DTNB: variants seen among roughly 807,000 people sequenced by gnomAD.
The protein encoded by DTNB is dystrobrevin beta.
Under a neutral mutation model 90.7 loss-of-function variants are expected in DTNB, and 63 were observed. The observed-to-expected ratio is 0.69, with a 90% CI of 0.57 to 0.86. DTNB has a LOEUF of 0.86. Ranked by LOEUF, DTNB falls within the 40% of genes least tolerant of loss-of-function variation. The pLI is 0.00. For missense variants in DTNB, 744 were observed against 807.1 expected, an observed-to-expected ratio of 0.92 and a Z score of 0.95; for synonymous variants, 277 against 286.7, an observed-to-expected ratio of 0.97 and a Z score of 0.34.
intron 15 of DTNB, among the ~76,000 whole-genome samples, chr2:25,421,627 A>G (rs567312997): frequency 6.6e-6 from 1 of 152,306 alleles, no homozygotes; most frequent in South Asian, 2.1e-4. Flanking sequence ...GGAAAGTGCG[A>G]TGGTTGGGGA....
At chr2:25,427,471 G>T in intron 15 of DTNB, 64 bp downstream of exon 15, 1 of 1,507,100 alleles carries the variant, frequency 6.6e-7, no homozygotes, top group Non-Finnish European at 9.1e-7. Context: ...TCACAGGGAG[G>T]CAGCAGCTGA....
rs1193092326 is a variant in DTNB, at chr2:25,386,501, C to A, written c.1825+788G>T. ...ACCTACAGCGCTTAGGGAGGGAAAC[C>A]ATTAGTTTAACACAAAACATGGAGA... On this transcript the variant is annotated intron_variant, in intron 18 of 20. Coordinates refer to ENST00000406818, the MANE Select transcript of DTNB (RefSeq NM_021907.5). 3.3e-5 allele frequency among the ~76,000 whole-genome samples: 5 copies of A among 152,146 alleles called. 1 individual carries two copies. Among genetic ancestry groups the A allele is most frequent in the Admixed American group, 6.5e-5 (1 of 15,276 alleles).
intron 9 of DTNB, among the ~76,000 whole-genome samples, chr2:25,485,216 C>T (rs1357634730): frequency 6.6e-6 from 1 of 152,018 alleles, no homozygotes; most frequent in Non-Finnish European, 1.5e-5. Context: ...ACTATGTTGC[C>T]TAGGCTGGTC....
intron 7 of DTNB, 110 bp from the exon 8 acceptor site, chr2:25,577,114 C>A (rs934878582): frequency 1.7e-6 from 2 of 1,196,764 alleles, no homozygotes; most frequent in Admixed American, 6.2e-5. Context: ...CAGAGGAATA[C>A]CAAAACTAAT....
chr2:25,404,198 G>A (rs2044456396), intron 16 of DTNB, among the ~76,000 whole-genome samples: 1 of 152,172 alleles, frequency 6.6e-6, no homozygotes, highest in African/African-American at 2.4e-5. Flanking sequence ...CTATCCCGAG[G>A]GAGTCAGGTA....
rs190960035 is a variant in DTNB at position 25,435,712 on chromosome 2, G to C, written c.1258-1717C>G. Among the ~76,000 whole-genome samples the C allele has an allele frequency of 1.6e-4, 24 of 152,268 alleles. No homozygotes were observed. The East Asian group carries it at 4.4e-3, about 28-fold the overall frequency. ...GTGCTGCTTTGAGCATGTATGTTGA[G>C]TTATGTTATTATTTCTCTTGTGTAC... On this transcript the variant is annotated intron_variant, in intron 12 of 20. Transcript: ENST00000406818.
At chr2:25,584,752 T>A (rs555057352) in intron 6 of DTNB, among the ~76,000 whole-genome samples, 1 of 151,984 alleles carries the variant, frequency 6.6e-6, no homozygotes, top group Non-Finnish European at 1.5e-5. Flanking sequence ...AGACGGGGTT[T>A]CACCATGTTG....
intron 16 of DTNB, among the ~76,000 whole-genome samples, chr2:25,400,680 C>A (rs1009477833): frequency 3.9e-5 from 6 of 152,196 alleles, no homozygotes; most frequent in South Asian, 2.1e-4. Context: ...ATGTGCTACT[C>A]AGTGTTTTAA....
intron 16 of DTNB, among the ~76,000 whole-genome samples, chr2:25,405,791 G>A (rs565619982): frequency 6.6e-6 from 1 of 152,072 alleles, no homozygotes; most frequent in Admixed American, 6.5e-5. Flanking sequence ...AAGAGGAGCC[G>A]GTGAAGGTTT....
chr2:25,655,967 G>A (rs996642794), intron 1 of DTNB, among the ~76,000 whole-genome samples: 7 of 151,864 alleles, frequency 4.6e-5, no homozygotes, highest in African/African-American at 9.7e-5. Context: ...TTTTACATTC[G>A]CTCCTGGAGT....
chr2:25,435,145 G>A (rs62128537), intron 12 of DTNB, among the ~76,000 whole-genome samples: 6 of 151,982 alleles, frequency 3.9e-5, no homozygotes, highest in South Asian at 2.1e-4. Flanking sequence ...TCAGCCTCCC[G>A]GGTAGCTGGG....
chr2:25,579,717 G>GA (rs1363918841), intron 7 of DTNB, among the ~76,000 whole-genome samples: 6 of 148,450 alleles, frequency 4.0e-5, no homozygotes, highest in South Asian at 2.1e-4. Flanking sequence ...AAAAAATGAG[G>GA]AAAAAAAAAG....
At chr2:25,659,442 G>T (rs1217353797) in intron 1 of DTNB, among the ~76,000 whole-genome samples, 1 of 151,504 alleles carries the variant, frequency 6.6e-6, no homozygotes, top group South Asian at 2.1e-4. Context: ...AAAAGAAAGA[G>T]AAGTCAATGA....
chr2:25,628,062 T>C, intron 4 of DTNB, 109 bp downstream of exon 4: 1 of 1,183,030 alleles, frequency 8.5e-7, no homozygotes, highest in South Asian at 1.4e-5. Flanking sequence ...ATCATGATTC[T>C]AAGTTGCCAG....
rs2064562483 is a variant in DTNB at position 25,596,096 on chromosome 2, A to T, written c.593T>A (p.Phe198Tyr). The T allele has an allele frequency of 1.9e-6, 3 of 1,605,484 alleles. No homozygotes were observed. In the South Asian group the frequency reaches 3.4e-5, roughly 18 times the overall value. The part of the protein sequence containing the change: ...GYTEHSVRTC[F>Y]PQQRKIMLNM... ...TAAAACTGTCCTTACCTGCTGTGGA[A>T]AACAGGTGCGGACTGAGTGCTCTGT... is the stretch of plus-strand genomic sequence containing the variant. The change falls in exon 6 of 21, where the codon TTT (phenylalanine) becomes TAT (tyrosine). Residue 198 changes from phenylalanine to tyrosine, a missense_variant. Phe to Tyr is a conservative substitution (Grantham distance 22). Transcript: ENST00000406818.
intron 2 of DTNB, among the ~76,000 whole-genome samples, chr2:25,649,134 A>G (rs2080238416): frequency 6.6e-6 from 1 of 151,316 alleles, no homozygotes; most frequent in Admixed American, 6.6e-5. Flanking sequence ...CCTCCCAAGT[A>G]GCTGGGACTA....
intron 12 of DTNB, among the ~76,000 whole-genome samples, chr2:25,443,395 G>T (rs764874409): frequency 3.9e-5 from 6 of 152,140 alleles, no homozygotes; most frequent in Non-Finnish European, 7.4e-5. Context: ...GAAAAATACA[G>T]GATAATAAAT....
chr2:25,645,663 A>G (rs898863975), intron 2 of DTNB, among the ~76,000 whole-genome samples: 5 of 151,860 alleles, frequency 3.3e-5, no homozygotes, highest in Non-Finnish European at 7.4e-5. Context: ...CTGGTCTCAA[A>G]CTCCTAGGCT....
intron 16 of DTNB, among the ~76,000 whole-genome samples, chr2:25,408,036 T>C (rs545850108): frequency 6.6e-6 from 1 of 152,022 alleles, no homozygotes; most frequent in Non-Finnish European, 1.5e-5. Flanking sequence ...GCAGGTGCTG[T>C]GGCTCATACC....
Sources: gnomAD v4.1 joint callset for allele counts (sites outside exome capture counted in the v4.1 genomes callset) on GRCh38, gnomAD v4.1.1 for gene constraint, MANE v1.5 for transcripts, NCBI Gene and HGNC (gene_info 2026-07-23, HGNC 2026-07-21) for gene names.